IGFL2: variants seen among roughly 807,000 people sequenced by gnomAD.
IGFL2 encodes the protein insulin growth factor-like family member 2.
A neutral mutation model predicts 13.9 loss-of-function variants in IGFL2; 7 were observed. That is an observed-to-expected ratio of 0.51 (90% confidence interval 0.29 to 0.95). IGFL2 has a LOEUF of 0.95. IGFL2 is among the 40% of genes least tolerant of loss of function. The pLI, the probability that IGFL2 is intolerant of heterozygous loss-of-function variation, is 0.08. For missense variants in IGFL2, 138 were observed against 147.8 expected (o/e 0.93, Z 0.34); for synonymous variants, 55 against 55.8 (o/e 0.99, Z 0.07).
chr19:46,205,742 A>G, the IGFL2 span, among the ~76,000 whole-genome samples: 1 of 152,124 alleles, frequency 6.6e-6, no homozygotes, highest in African/African-American at 2.4e-5. Flanking sequence ...CCAGATGATG[A>G]CGCCACATTA....
the IGFL2 span, among the ~76,000 whole-genome samples, chr19:46,085,182 C>T: frequency 8.9e-4 from 135 of 152,062 alleles, no homozygotes; most frequent in Non-Finnish European, 1.4e-3. Flanking sequence ...GCCGAGATTG[C>T]GCCACTGCAC....
At chr19:46,122,484 G>C in the IGFL2 span, among the ~76,000 whole-genome samples, 1 of 150,934 alleles carries the variant, frequency 6.6e-6, no homozygotes, top group East Asian at 2.0e-4. Flanking sequence ...AATAGCAGCA[G>C]ACTAAAAACA....
the IGFL2 span, among the ~76,000 whole-genome samples, chr19:46,104,622 G>A: frequency 1.3e-5 from 2 of 152,070 alleles, no homozygotes; most frequent in African/African-American, 4.8e-5. Flanking sequence ...CCTGACTCAG[G>A]GCATGTAAGT....
chr19:46,173,068 A>G, the IGFL2 span, among the ~76,000 whole-genome samples: 1 of 152,236 alleles, frequency 6.6e-6, no homozygotes, highest in Non-Finnish European at 1.5e-5. Context: ...AGAAGATTAA[A>G]GGTCTTTGGG....
chr19:46,142,660 A>G (rs1311559352), upstream of IGFL2, among the ~76,000 whole-genome samples: 1 of 152,242 alleles, frequency 6.6e-6, no homozygotes, highest in South Asian at 2.1e-4. Context: ...GCTGACAGAT[A>G]TTATTACTGG....
chr19:46,197,214 G>A, the IGFL2 span: 335 of 207,890 alleles, frequency 1.6e-3, 1 homozygote, highest in African/African-American at 7.1e-3. Flanking sequence ...GTCCCCCAGC[G>A]TCCCTCATGG....
chr19:46,079,588 G>A, the IGFL2 span, among the ~76,000 whole-genome samples: 1 of 152,120 alleles, frequency 6.6e-6, no homozygotes, highest in Non-Finnish European at 1.5e-5. Context: ...GGCCTCAGGC[G>A]CTTTGGAAAC....
chr19:46,120,471 C>A, the IGFL2 span: 2 of 1,447,966 alleles, frequency 1.4e-6, no homozygotes, highest in Non-Finnish European at 1.9e-6. Flanking sequence ...ACTGCTACAC[C>A]AGATGTGTAG....
At chr19:46,137,840 T>C in the IGFL2 span, among the ~76,000 whole-genome samples, 54 of 152,350 alleles carry the variant, frequency 3.5e-4, 1 homozygote, top group African/African-American at 1.2e-3. Context: ...TATTATGAAG[T>C]TCTTGTAGTC....
chr19:46,194,802 G>A, the IGFL2 span, among the ~76,000 whole-genome samples: 3 of 143,878 alleles, frequency 2.1e-5, no homozygotes, highest in African/African-American at 7.9e-5. Flanking sequence ...CAGCCTGGGT[G>A]ACAGAACAAG....
At chr19:46,126,772 A>G in the IGFL2 span, among the ~76,000 whole-genome samples, 8 of 152,230 alleles carry the variant, frequency 5.3e-5, no homozygotes, top group Non-Finnish European at 1.2e-4. Flanking sequence ...AACATAAGCA[A>G]TCCACACAAC....
chr19:46,131,542 C>T, the IGFL2 span, among the ~76,000 whole-genome samples: 1 of 152,134 alleles, frequency 6.6e-6, no homozygotes, highest in East Asian at 1.9e-4. Context: ...AGAGGTTTAT[C>T]GACTTCTTTT....
At chr19:46,170,131 A>G in the IGFL2 span, among the ~76,000 whole-genome samples, 1 of 152,014 alleles carries the variant, frequency 6.6e-6, no homozygotes, top group Non-Finnish European at 1.5e-5. Context: ...GCTAAATGAC[A>G]TGTCCAGGGT....
At chr19:46,206,502 G>A in the IGFL2 span, among the ~76,000 whole-genome samples, 1 of 152,200 alleles carries the variant, frequency 6.6e-6, no homozygotes, top group African/African-American at 2.4e-5. Context: ...GTGAGGGGGA[G>A]CAACATGCCC....
chr19:46,103,201 C>T, the IGFL2 span, among the ~76,000 whole-genome samples: 8 of 152,192 alleles, frequency 5.3e-5, no homozygotes, highest in East Asian at 1.4e-3. Context: ...TGTCATATAC[C>T]AGGCCAGATT....
At chr19:46,139,230 C>G (rs577307023), upstream of IGFL2, among the ~76,000 whole-genome samples, 2 of 151,292 alleles carry the variant, frequency 1.3e-5, no homozygotes, top group Non-Finnish European at 2.9e-5. Context: ...GCCTTCCTTT[C>G]GAAGATCTGC....
chr19:46,092,505 G>A, the IGFL2 span, among the ~76,000 whole-genome samples: 2 of 151,934 alleles, frequency 1.3e-5, no homozygotes, highest in African/African-American at 2.4e-5. Context: ...GGTGATGTGC[G>A]CTGGTAGTCC....
At chr19:46,207,538 T>G in the IGFL2 span, 1 of 152,132 alleles carries the variant, frequency 6.6e-6, no homozygotes, top group Non-Finnish European at 1.5e-5. Context: ...CCCACCAGCA[T>G]GCCCAGCTAA....
At chr19:46,197,874 C>T in the IGFL2 span, among the ~76,000 whole-genome samples, 1 of 151,992 alleles carries the variant, frequency 6.6e-6, no homozygotes, top group Admixed American at 6.6e-5. Context: ...CTCCTCCCAT[C>T]ACAGATGGGG....
Sources: gnomAD v4.1 joint callset for allele counts (sites outside exome capture counted in the v4.1 genomes callset) on GRCh38, gnomAD v4.1.1 for gene constraint, MANE v1.5 for transcripts, NCBI Gene and HGNC (gene_info 2026-07-23, HGNC 2026-07-21) for gene names.